The following CCSER1 variants were observed in gnomAD, a reference collection of about 807,000 sequenced individuals.
CCSER1 encodes the protein coiled-coil serine rich protein 1, also known as serine-rich coiled-coil domain-containing protein 1.
In CCSER1, 41 loss-of-function variants were observed where a neutral mutation model predicts 82.0. The observed-to-expected ratio is 0.50, with a 90% CI of 0.39 to 0.65. The LOEUF is 0.65. Ranked by LOEUF, CCSER1 falls within the 30% of genes least tolerant of loss-of-function variation. The pLI, the probability that CCSER1 is intolerant of heterozygous loss-of-function variation, is 0.00. For missense variants in CCSER1, 1,119 were observed against 1,064.2 expected (o/e 1.05, Z -0.72); for synonymous variants, 414 against 383.9 (o/e 1.08, Z -0.92).
At chr4:91,015,571 T>C (rs1292185909) in intron 9 of CCSER1, 1 of 152,044 alleles carries the variant, frequency 6.6e-6, no homozygotes, top group East Asian at 1.9e-4. Context: ...TTTTCTCACA[T>C]TCACTTTTTT....
In CCSER1 at chr4:91,013,206, T is replaced by C. The variant is rs552817817; in HGVS notation, c.2173-72744T>C. ...AGGAGTTTTTTTATTTCAAGTCTTA[T>C]GTTTAAGTCTTTAATTCATTTTGAC... On this transcript the variant is annotated intron_variant, in intron 9 of 10. Coordinates refer to ENST00000509176, the MANE Select transcript of CCSER1 (RefSeq NM_001145065.2). Among the ~76,000 whole-genome samples, 4 of 134,834 alleles carry C rather than the reference T, an allele frequency of 3.0e-5. 1 individual carries two copies. Among genetic ancestry groups the C allele is most frequent in the Non-Finnish European group, 5.2e-5 (3 of 57,924 alleles). 88.5% of individuals were successfully genotyped at this position (134,834 alleles called of 152,430 possible).
chr4:90,924,409 A>G (rs1463750218), intron 9 of CCSER1, among the ~76,000 whole-genome samples: 4 of 152,102 alleles, frequency 2.6e-5, no homozygotes, highest in African/African-American at 9.7e-5. Context: ...AAAGCTTTGA[A>G]TCACTGCACA....
In CCSER1 at chr4:91,185,320, T is replaced by G. The variant is rs964204303; in HGVS notation, c.2217+99326T>G. ...GCTTTCCAGGGAACAGAAGTAGATA[T>G]AACGATTTGAATTTCCCCATTATAA... On this transcript the variant is annotated intron_variant, in intron 10 of 10. Transcript: ENST00000509176. Among the ~76,000 whole-genome samples, 3 of 152,222 alleles carry G rather than the reference T, an allele frequency of 2.0e-5. No individual in the cohort carries two copies. In the South Asian group the frequency reaches 6.2e-4, roughly 31 times the overall value.
At chr4:91,536,100 G>A (rs1195159119) in intron 10 of CCSER1, among the ~76,000 whole-genome samples, 1 of 152,082 alleles carries the variant, frequency 6.6e-6, no homozygotes, top group Non-Finnish European at 1.5e-5. Flanking sequence ...TAAAACGTTT[G>A]TGAAATTTAA....
At chr4:90,795,726 T>C (rs1418926957) in intron 7 of CCSER1, among the ~76,000 whole-genome samples, 1 of 152,156 alleles carries the variant, frequency 6.6e-6, no homozygotes, top group Non-Finnish European at 1.5e-5. Flanking sequence ...TTTTATTGAA[T>C]GCCTTTTCTG....
intron 5 of CCSER1, among the ~76,000 whole-genome samples, chr4:90,518,706 G>A (rs952583968): frequency 2.0e-5 from 3 of 151,854 alleles, no homozygotes; most frequent in Non-Finnish European, 4.4e-5. Context: ...TTCAAAGTTG[G>A]TTACATTTCT....
chr4:91,313,708 C>T (rs1745645215), intron 10 of CCSER1, among the ~76,000 whole-genome samples: 1 of 151,814 alleles, frequency 6.6e-6, no homozygotes, highest in African/African-American at 2.4e-5. Flanking sequence ...AGTCCGAGTT[C>T]ACCATATGAG....
rs1442779225 is a variant in CCSER1, at chr4:90,512,972, T to G, written c.1724+44618T>G. Among the ~76,000 whole-genome samples, 3 of 152,160 alleles carry G rather than the reference T, an allele frequency of 2.0e-5. No individual in the cohort carries two copies. The South Asian group carries it at 6.2e-4, about 31-fold the overall frequency. On this transcript the variant is annotated intron_variant, in intron 5 of 10. Transcript: ENST00000509176. The stretch of plus-strand genomic sequence containing the variant: ...GATTTCATATTAACAAATGTTGAAG[T>G]TATAGAATTTTTTATAATTATTTTA...
intron 10 of CCSER1, among the ~76,000 whole-genome samples, chr4:91,451,169 A>T (rs1231910878): frequency 6.6e-6 from 1 of 151,980 alleles, no homozygotes; most frequent in African/African-American, 2.4e-5. Context: ...TAAAATCAAA[A>T]ATCCCATTCA....
chr4:90,601,206 ACAG>A (rs1166254379), intron 5 of CCSER1, among the ~76,000 whole-genome samples: 4 of 152,034 alleles, frequency 2.6e-5, no homozygotes, highest in Non-Finnish European at 5.9e-5. Flanking sequence ...AGCAGTGGAA[ACAG>A]CAGACATCCC....
chr4:90,942,081 G>T (rs1422192559), intron 9 of CCSER1, among the ~76,000 whole-genome samples: 1 of 151,884 alleles, frequency 6.6e-6, no homozygotes, highest in Non-Finnish European at 1.5e-5. Flanking sequence ...CCAAGTAGCT[G>T]GGACTAGAGG....
chr4:90,900,094 G>GTTT (rs70963096), intron 8 of CCSER1, among the ~76,000 whole-genome samples: 5,836 of 102,026 alleles, frequency 0.057, 275 homozygotes, highest in Admixed American at 0.086. Context: ...TGGTCCCAGA[G>GTTT]TTTTTTTTTT....
chr4:90,347,344 T>TCTAC (rs1742549523), intron 3 of CCSER1, among the ~76,000 whole-genome samples: 1 of 151,856 alleles, frequency 6.6e-6, no homozygotes, highest in South Asian at 2.1e-4. Flanking sequence ...TATCTATCTA[T>TCTAC]CTATCTATAT....
At chr4:90,161,993 C>T (rs2153366934) in intron 1 of CCSER1, among the ~76,000 whole-genome samples, 1 of 152,166 alleles carries the variant, frequency 6.6e-6, no homozygotes, top group South Asian at 2.1e-4. Flanking sequence ...AAGGCTCTAT[C>T]TGTGTCCATA....
At chr4:90,989,716 T>C (rs1196762213) in intron 9 of CCSER1, among the ~76,000 whole-genome samples, 3 of 151,796 alleles carry the variant, frequency 2.0e-5, no homozygotes, top group Admixed American at 6.6e-5. Context: ...TTATTTTTGA[T>C]CTTTGGGTTA....
intron 5 of CCSER1, among the ~76,000 whole-genome samples, chr4:90,525,971 T>C (rs1027296971): frequency 2.0e-5 from 3 of 152,180 alleles, no homozygotes; most frequent in Admixed American, 2.0e-4. Flanking sequence ...AGCATCTATA[T>C]TATTACATAG....
chr4:90,138,101 G>C (rs1044859011), intron 1 of CCSER1, among the ~76,000 whole-genome samples: 1 of 152,198 alleles, frequency 6.6e-6, no homozygotes, highest in Non-Finnish European at 1.5e-5. Flanking sequence ...TTCCCCACCA[G>C]CTGGTCTAAA....
At chr4:90,752,394 C>A (rs1281103817) in intron 7 of CCSER1, among the ~76,000 whole-genome samples, 1 of 152,064 alleles carries the variant, frequency 6.6e-6, no homozygotes, top group Non-Finnish European at 1.5e-5. Flanking sequence ...ATAAGAAACA[C>A]TGTATTTTGA....
chr4:90,203,244 A>G (rs1738107584), intron 1 of CCSER1, among the ~76,000 whole-genome samples: 1 of 152,116 alleles, frequency 6.6e-6, no homozygotes, highest in Admixed American at 6.6e-5. Flanking sequence ...CATGTGCAGA[A>G]CGTGCAGGTT....
Sources: allele counts gnomAD v4.1 joint callset (sites outside exome capture counted in the v4.1 genomes callset), GRCh38; gene constraint gnomAD v4.1.1; transcripts MANE v1.5; gene names NCBI Gene and HGNC (gene_info 2026-07-23, HGNC 2026-07-21).